Variants in DMRTC1 observed in about 807,000 individuals in gnomAD.
DMRTC1 encodes the protein DMRT like family C1, also known as doublesex- and mab-3-related transcription factor C1.
For synonymous variants in DMRTC1, 7 were observed against 14.1 expected, an observed-to-expected ratio of 0.50 and a Z score of 1.13; for missense variants, 9 against 34.6, an observed-to-expected ratio of 0.26 and a Z score of 1.86.
At chrX:72,887,012 G>T (rs1162139095) in intron 1 of DMRTC1, among the ~76,000 whole-genome samples, 1 of 52,052 alleles carries the variant, frequency 1.9e-5, no homozygotes, top group Non-Finnish European at 3.2e-5. Flanking sequence ...AAATGGGGTT[G>T]CCCTTTTTTT....
At chrX:72,880,692 C>CT (rs1429216094) in intron 1 of DMRTC1, among the ~76,000 whole-genome samples, 2 of 5,202 alleles carry the variant, frequency 3.8e-4, no homozygotes, top group African/African-American at 7.4e-4. Context: ...TCTTTTCTTT[C>CT]TTTCTTTTTT....
intron 1 of DMRTC1, chrX:72,912,883 C>T: frequency 1.7e-6 from 1 of 603,029 alleles, no homozygotes; most frequent in South Asian, 2.5e-5. Context: ...TAACGGAAGC[C>T]AGGGATGGGA....
rs2054964648 is a variant in DMRTC1 at position 72,913,217 on chromosome X, G to A, written c.-95+30358C>T. The A allele has an allele frequency of 2.3e-5, 20 of 868,908 alleles. No individual in the cohort carries two copies. In the South Asian group the frequency reaches 3.8e-4, roughly 17 times the overall value. The allele number at this position is 868,908 out of a possible 1,213,427, so 71.6% of individuals were successfully genotyped here. A position where few individuals can be genotyped will look rare whatever the true frequency, so the allele number is the denominator to read the frequency against. On this transcript the variant is annotated intron_variant, in intron 1 of 6. Coordinates refer to ENST00000615063, the MANE Select transcript of DMRTC1 (RefSeq NM_033053.3). ...CAAGCCAGAAATCCCCAGGGCTCCCGAGGGTCCACTTGTCACTCTGCTTTC... is the reference window on the plus strand; with the variant it reads ...CAAGCCAGAAATCCCCAGGGCTCCCAAGGGTCCACTTGTCACTCTGCTTTC...
intron 6 of DMRTC1, among the ~76,000 whole-genome samples, chrX:72,873,007 T>G: frequency 6.2e-5 from 1 of 16,119 alleles, no homozygotes; most frequent in Non-Finnish European, 1.0e-4. Flanking sequence ...CAGTTGTTTA[T>G]CCCCCCTCGG....
Position 72,872,467 on chromosome X carries a change from G to A in DMRTC1, c.564C>T (p.Ile188=), listed in dbSNP as rs1448506437. 10 of 1,113,124 alleles carry A rather than the reference G, an allele frequency of 9.0e-6. No homozygotes were observed. In the African/African-American group the frequency reaches 1.9e-4, roughly 21 times the overall value. 91.7% of individuals were successfully genotyped at this position (1,113,124 alleles called of 1,213,427 possible). ...ISLPIGHLGC[I]SLLS ...CTCTGGGTTCCTAGCTCAAGAGGGA[G>A]ATGCATCCCAGATGTCCAATAGGCA... The change falls in exon 7 of 7, where the codon ATC becomes ATT. Residue 188 remains isoleucine (I), a synonymous_variant. Transcript: ENST00000615063.
chrX:72,924,300 G>GA (rs2055018193), intron 1 of DMRTC1, among the ~76,000 whole-genome samples: 1 of 80,287 alleles, frequency 1.2e-5, no homozygotes, highest in Non-Finnish European at 2.4e-5. Flanking sequence ...CAAACTATCT[G>GA]AAAAAGAAAT....
At chrX:72,902,982 CTGA>C (rs1356572990) in intron 1 of DMRTC1, among the ~76,000 whole-genome samples, 1 of 51,688 alleles carries the variant, frequency 1.9e-5, no homozygotes, top group African/African-American at 1.3e-4. Context: ...GCCAATATCC[CTGA>C]TGAACATTGA....
chrX:72,879,356 T>TTTCCCTTCCCTTCCCTTCCC (rs202023303), intron 1 of DMRTC1, among the ~76,000 whole-genome samples: 1 of 16,578 alleles, frequency 6.0e-5, no homozygotes, highest in Non-Finnish European at 1.1e-4. Flanking sequence ...TTTGCTTTCC[T>TTTCCCTTCCCTTCCCTTCCC]TTCCCTTCCC....
At chrX:72,913,218 A>C in intron 1 of DMRTC1, 1 of 869,807 alleles carries the variant, frequency 1.1e-6, no homozygotes, top group Non-Finnish European at 1.6e-6. Context: ...AGGGCTCCCG[A>C]GGGTCCACTT....
chrX:72,876,951 T>G (rs1284974086), intron 1 of DMRTC1, among the ~76,000 whole-genome samples: 2 of 113,544 alleles, frequency 1.8e-5, no homozygotes, highest in Non-Finnish European at 3.7e-5. Context: ...CACTGCAACC[T>G]CTGCCTCCCG....
rs1230269843 is a variant in DMRTC1 at position 72,916,428 on chromosome X, A to C, written c.-95+27147T>G. On this transcript the variant is annotated intron_variant, in intron 1 of 6. Coordinates refer to ENST00000615063, the MANE Select transcript of DMRTC1 (RefSeq NM_033053.3). The stretch of plus-strand genomic sequence containing the variant: ...TTGGTGATGGAGACACTGTACTTGC[A>C]GTCCCACATGCAGCAAAGCTAAAAC... Among the ~76,000 whole-genome samples the C allele has an allele frequency of 2.8e-5, 3 of 105,720 alleles. No individual in the cohort carries two copies. In the Admixed American group the frequency reaches 2.9e-4, roughly 10 times the overall value. 91.8% of individuals were successfully genotyped at this position (105,720 alleles called of 115,157 possible).
chrX:72,902,998 C>CA (rs1384530898), intron 1 of DMRTC1, among the ~76,000 whole-genome samples: 1 of 40,093 alleles, frequency 2.5e-5, no homozygotes, highest in Non-Finnish European at 3.8e-5. Flanking sequence ...AACATTGATG[C>CA]AAAAATCCTC....
intron 1 of DMRTC1, among the ~76,000 whole-genome samples, chrX:72,879,965 T>C (rs1308514467): frequency 1.5e-5 from 1 of 66,217 alleles, no homozygotes; most frequent in African/African-American, 5.8e-5. Flanking sequence ...TGATCTTGGC[T>C]CACTGCAACC....
chrX:72,879,717 ATC>A (rs1208585103), intron 1 of DMRTC1, among the ~76,000 whole-genome samples: 1 of 78,961 alleles, frequency 1.3e-5, no homozygotes, highest in Non-Finnish European at 2.7e-5. Context: ...TCAGTTTTCT[ATC>A]TCTTTCTTTC....
Position 72,872,665 on chromosome X carries a change from G to A in DMRTC1, c.467-101C>T, listed in dbSNP as rs1444719385. ...CGCCCAACCAAAGATTTGTCACCTG[G>A]ACTGTTGCATAGACCTCTTCCTCTC... is the stretch of plus-strand genomic sequence containing the variant. On this transcript the variant is annotated intron_variant, in intron 6 of 6. Transcript: ENST00000615063. 5 of 1,094,776 alleles carry A rather than the reference G, an allele frequency of 4.6e-6. No individual in the cohort carries two copies. The Admixed American group carries it at 1.1e-4, about 24-fold the overall frequency. 90.2% of individuals were successfully genotyped at this position (1,094,776 alleles called of 1,213,427 possible). A position where few individuals can be genotyped will look rare whatever the true frequency, so the allele number is the denominator to read the frequency against.
intron 3 of DMRTC1, 139 bp downstream of exon 3, chrX:72,875,134 G>T: frequency 3.2e-5 from 1 of 31,713 alleles, no homozygotes; most frequent in African/African-American, 8.3e-4. Flanking sequence ...GCCCAGGGAG[G>T]AGAAGTGATA....
intron 1 of DMRTC1, among the ~76,000 whole-genome samples, chrX:72,881,774 G>A (rs1556353045): frequency 1.3e-5 from 1 of 78,364 alleles, no homozygotes. Flanking sequence ...CTCGTAAAGT[G>A]TCCCACAATA....
At chrX:72,877,047 T>TC (rs1213771492) in intron 1 of DMRTC1, among the ~76,000 whole-genome samples, 1 of 110,451 alleles carries the variant, frequency 9.1e-6, no homozygotes, top group Non-Finnish European at 1.9e-5. Flanking sequence ...TTTTGTATTT[T>TC]TTTTTTTTTT....
At chrX:72,886,824 G>C (rs1326332182) in intron 1 of DMRTC1, among the ~76,000 whole-genome samples, 10 of 57,844 alleles carry the variant, frequency 1.7e-4, no homozygotes, top group Non-Finnish European at 1.8e-4. Context: ...ATTGTTTTGG[G>C]TAATATGGTC....
Sources: gnomAD v4.1 joint callset for allele counts (sites outside exome capture counted in the v4.1 genomes callset) on GRCh38, gnomAD v4.1.1 for gene constraint, MANE v1.5 for transcripts, NCBI Gene and HGNC (gene_info 2026-07-23, HGNC 2026-07-21) for gene names.